The following PCDH9 variants were observed in gnomAD, a reference collection of about 807,000 sequenced individuals.
PCDH9 encodes the protein protocadherin 9, also known as protocadherin-9.
PCDH9 carries 24 observed loss-of-function variants against 70.6 expected under a neutral mutation model. The ratio of observed to expected loss-of-function variants is 0.34; its 90% CI spans 0.25 to 0.48. The LOEUF (loss-of-function observed/expected upper bound fraction) is 0.48. PCDH9 is among the 20% of genes least tolerant of loss of function. The pLI is 0.99. For synonymous variants in PCDH9, 562 were observed against 558.5 expected (o/e 1.01, Z -0.09); for missense variants, 1,281 against 1,503.6 (o/e 0.85, Z 2.45).
intron 4 of PCDH9, among the ~76,000 whole-genome samples, chr13:66,410,544 G>C (rs969738923): frequency 6.6e-6 from 1 of 152,186 alleles, no homozygotes; most frequent in African/African-American, 2.4e-5. Context: ...GATTTCTCAT[G>C]TTCCAGAAAG....
rs185800064 is a variant in PCDH9, at chr13:67,025,486, A to C, written c.3037-121881T>G. 2.6e-5 allele frequency among the ~76,000 whole-genome samples: 4 copies of C among 152,190 alleles called. No homozygotes were observed. In the South Asian group the frequency reaches 8.3e-4, roughly 32 times the overall value. On this transcript the variant is annotated intron_variant, in intron 2 of 4. Coordinates refer to ENST00000377865, the MANE Select transcript of PCDH9 (RefSeq NM_203487.3). ...TGCAGGAGCAAATTCAAAAATATAT[A>C]ATTATGACCAGATCATTGGTATCAG... is the stretch of plus-strand genomic sequence containing the variant.
chr13:66,433,099 G>C (rs1388895270), intron 4 of PCDH9, among the ~76,000 whole-genome samples: 2 of 151,912 alleles, frequency 1.3e-5, no homozygotes, highest in East Asian at 1.9e-4. Context: ...GGATGCTTAA[G>C]CAGGTAATTG....
chr13:66,507,945 T>C (rs1959264689), intron 4 of PCDH9, among the ~76,000 whole-genome samples: 1 of 152,074 alleles, frequency 6.6e-6, no homozygotes, highest in Non-Finnish European at 1.5e-5. Context: ...ATGGTCTTGA[T>C]CTCTTGACCT....
intron 3 of PCDH9, among the ~76,000 whole-genome samples, chr13:66,739,478 T>C (rs904027540): frequency 6.7e-6 from 1 of 149,094 alleles, no homozygotes; most frequent in Non-Finnish European, 1.5e-5. Flanking sequence ...CAGGATCAAA[T>C]TCACACATAA....
At chr13:66,826,604 T>G (rs1369742277) in intron 3 of PCDH9, among the ~76,000 whole-genome samples, 1 of 152,150 alleles carries the variant, frequency 6.6e-6, no homozygotes, top group Admixed American at 6.5e-5. Flanking sequence ...AATGATTCAA[T>G]GAACAGGGCA....
chr13:66,709,376 G>A (rs1018360888), intron 3 of PCDH9, among the ~76,000 whole-genome samples: 1 of 151,948 alleles, frequency 6.6e-6, no homozygotes, highest in Non-Finnish European at 1.5e-5. Context: ...CATTATTAAG[G>A]GTTTCTGAAT....
intron 2 of PCDH9, among the ~76,000 whole-genome samples, chr13:67,037,675 C>G (rs959311997): frequency 6.6e-6 from 1 of 152,146 alleles, no homozygotes; most frequent in Non-Finnish European, 1.5e-5. Flanking sequence ...TCAGTGAGAA[C>G]TGTAGTGTGG....
intron 3 of PCDH9, among the ~76,000 whole-genome samples, chr13:66,723,810 G>A (rs1241509883): frequency 6.6e-6 from 1 of 152,178 alleles, no homozygotes; most frequent in Non-Finnish European, 1.5e-5. Context: ...ATGAAAAGCT[G>A]TAGCACTGGA....
At chr13:66,546,250 C>T (rs962178973) in intron 4 of PCDH9, among the ~76,000 whole-genome samples, 1 of 151,384 alleles carries the variant, frequency 6.6e-6, no homozygotes, top group African/African-American at 2.4e-5. Context: ...GCATTGTTAT[C>T]ATAGGAGATG....
chr13:67,056,761 T>C (rs1231073627), intron 2 of PCDH9, among the ~76,000 whole-genome samples: 2 of 152,164 alleles, frequency 1.3e-5, no homozygotes, highest in East Asian at 3.9e-4. Context: ...CTTAGCATAG[T>C]GCCTGGTACT....
intron 2 of PCDH9, among the ~76,000 whole-genome samples, chr13:66,981,786 T>C (rs991103376): frequency 2.6e-5 from 4 of 152,124 alleles, no homozygotes; most frequent in Non-Finnish European, 5.9e-5. Flanking sequence ...AAAAATGTTA[T>C]TAAATACATA....
intron 4 of PCDH9, among the ~76,000 whole-genome samples, chr13:66,521,812 G>GTC (rs1466888661): frequency 6.6e-6 from 1 of 151,860 alleles, no homozygotes; most frequent in Non-Finnish European, 1.5e-5. Flanking sequence ...CTTAATCTGG[G>GTC]TCTCTCTAAC....
intron 3 of PCDH9, among the ~76,000 whole-genome samples, chr13:66,845,411 C>T (rs1302937096): frequency 1.3e-5 from 2 of 152,208 alleles, no homozygotes; most frequent in Non-Finnish European, 2.9e-5. Flanking sequence ...TGAGATCTGG[C>T]GCGGGAAGCA....
chr13:66,623,274 CCT>C (rs2077453774), intron 4 of PCDH9, among the ~76,000 whole-genome samples: 1 of 152,178 alleles, frequency 6.6e-6, no homozygotes, highest in African/African-American at 2.4e-5. Context: ...AGATGAGTGT[CCT>C]ATAATTAAAA....
intron 2 of PCDH9, among the ~76,000 whole-genome samples, chr13:67,197,205 G>A (rs10507743): frequency 0.031 from 4,648 of 151,958 alleles, 136 homozygotes; most frequent in Admixed American, 0.093. Context: ...TGCACGTCTG[G>A]TAATAGCCTC....
chr13:66,973,217 G>C (rs2083555321), intron 2 of PCDH9, among the ~76,000 whole-genome samples: 1 of 151,894 alleles, frequency 6.6e-6, no homozygotes. Flanking sequence ...CAAATTTTCA[G>C]CAATCACCTT....
At chr13:66,452,840 C>A (rs1958240785) in intron 4 of PCDH9, among the ~76,000 whole-genome samples, 1 of 152,096 alleles carries the variant, frequency 6.6e-6, no homozygotes, top group African/African-American at 2.4e-5. Flanking sequence ...TTAATCAAGA[C>A]ATTACCCTGA....
chr13:66,618,528 A>G (rs1036665428), intron 4 of PCDH9, among the ~76,000 whole-genome samples: 1 of 152,188 alleles, frequency 6.6e-6, no homozygotes, highest in Admixed American at 6.5e-5. Context: ...GTATCTAAAG[A>G]TAAAGATATT....
chr13:66,417,551 A>G (rs763612969), intron 4 of PCDH9, among the ~76,000 whole-genome samples: 3 of 152,112 alleles, frequency 2.0e-5, no homozygotes, highest in Non-Finnish European at 4.4e-5. Flanking sequence ...CAGAAATGGT[A>G]TTTCTGGTTG....
Sources: gnomAD v4.1 joint callset for allele counts (sites outside exome capture counted in the v4.1 genomes callset) on GRCh38, gnomAD v4.1.1 for gene constraint, MANE v1.5 for transcripts, NCBI Gene and HGNC (gene_info 2026-07-23, HGNC 2026-07-21) for gene names.